Variants in ZNF44 observed in about 807,000 individuals in gnomAD.
ZNF44 encodes zinc finger protein 44.
ZNF44 carries 9 observed loss-of-function variants against 11.7 expected under a neutral mutation model. The ratio of observed to expected loss-of-function variants is 0.77; its 90% confidence interval spans 0.46 to 1.35. The LOEUF (loss-of-function observed/expected upper bound fraction) is 1.35, where lower values mean the gene tolerates loss of function less well. ZNF44 is among the 40% of genes most tolerant of loss of function. The pLI, the probability that ZNF44 is intolerant of heterozygous loss-of-function variation, is 0.00. For missense variants in ZNF44, 696 were observed against 743.1 expected (o/e 0.94, Z 0.74); for synonymous variants, 224 against 242.7 (o/e 0.92, Z 0.72).
downstream of ZNF44, chr19:12,271,710 T>A (rs1363561255): frequency 6.6e-6 from 1 of 152,240 alleles, no homozygotes; most frequent in African/African-American, 2.4e-5. Context: ...ATAGGTGATA[T>A]ATACGATGTA....
intron 7 of ZNF44, among the ~76,000 whole-genome samples, chr19:12,249,476 A>C (rs1047480992): frequency 6.8e-6 from 1 of 147,064 alleles, no homozygotes; most frequent in Non-Finnish European, 1.5e-5. Context: ...ACTGCACTCC[A>C]GCTTGGGCGA....
At chr19:12,242,370 C>T (rs962844539), upstream of ZNF44, among the ~76,000 whole-genome samples, 3 of 151,554 alleles carry the variant, frequency 2.0e-5, no homozygotes, top group African/African-American at 7.3e-5. Context: ...ATTAGCCGGG[C>T]GTGGTGGTGG....
At chr19:12,241,056 A>G (rs1916597537), upstream of ZNF44, among the ~76,000 whole-genome samples, 1 of 152,228 alleles carries the variant, frequency 6.6e-6, no homozygotes, top group Non-Finnish European at 1.5e-5. Flanking sequence ...CTACAACTCA[A>G]CAAAACAAAC....
upstream of ZNF44, among the ~76,000 whole-genome samples, chr19:12,241,204 C>T (rs1448802902): frequency 6.6e-6 from 1 of 152,330 alleles, no homozygotes; most frequent in African/African-American, 2.4e-5. Context: ...AGTGACAGTT[C>T]ACAACTGTTG....
chr19:12,267,182 T>C (rs933614802), downstream of ZNF44, among the ~76,000 whole-genome samples: 3 of 151,784 alleles, frequency 2.0e-5, no homozygotes, highest in African/African-American at 7.3e-5. Flanking sequence ...GTAGCTGAGA[T>C]TACAGGCACC....
intron 3 of ZNF44, among the ~76,000 whole-genome samples, chr19:12,229,648 C>G (rs1256823599): frequency 2.0e-5 from 3 of 150,656 alleles, no homozygotes; most frequent in Non-Finnish European, 4.4e-5. Context: ...TTGTCTTGCT[C>G]TGTCACCCAG....
chr19:12,247,333 C>T (rs972076080), downstream of ZNF44: 7 of 1,287,118 alleles, frequency 5.4e-6, no homozygotes, highest in African/African-American at 1.5e-5. Flanking sequence ...CAAATGAAGG[C>T]GTTGCCACAA....
At chr19:12,226,407 A>AAATC (rs1486064432) in exon 4 of ZNF44, 2 of 152,220 alleles carry the variant, frequency 1.3e-5, no homozygotes, top group Non-Finnish European at 2.9e-5. Context: ...ACTGTACATG[A>AAATC]AATCTGAGGC....
intron 5 of ZNF44, among the ~76,000 whole-genome samples, chr19:12,258,304 C>T (rs887552233): frequency 2.4e-5 from 3 of 122,616 alleles, no homozygotes; most frequent in Non-Finnish European, 4.8e-5. Context: ...TGGATTCCAG[C>T]GTGGGCAACA....
At chr19:12,246,641 T>A (rs1013714994), downstream of ZNF44, among the ~76,000 whole-genome samples, 3 of 152,336 alleles carry the variant, frequency 2.0e-5, no homozygotes, top group Middle Eastern at 6.8e-3. Flanking sequence ...ACTTCTGCAC[T>A]ATTTCTTAAA....
chr19:12,264,605 T>A (rs1194881419), intron 5 of ZNF44, among the ~76,000 whole-genome samples: 1 of 152,234 alleles, frequency 6.6e-6, no homozygotes, highest in East Asian at 1.9e-4. Flanking sequence ...TAATTATAAA[T>A]GATTATTTAA....
At chr19:12,257,447 C>A (rs1023209033) in intron 5 of ZNF44, among the ~76,000 whole-genome samples, 1 of 151,590 alleles carries the variant, frequency 6.6e-6, no homozygotes, top group Non-Finnish European at 1.5e-5. Context: ...GTCAGGAGTT[C>A]GAGACCAGCC....
chr19:12,233,550 C>CCAAAAA (rs777267600), intron 2 of ZNF44, among the ~76,000 whole-genome samples: 1 of 80,868 alleles, frequency 1.2e-5, no homozygotes, highest in African/African-American at 4.1e-5. Flanking sequence ...ACCCATACAT[C>CCAAAAA]AAAAAAAAAA....
intron 6 of ZNF44, chr19:12,250,218 A>G (rs987358806): frequency 7.4e-7 from 1 of 1,347,686 alleles, no homozygotes; most frequent in South Asian, 1.2e-5. Flanking sequence ...ATTCAACAAC[A>G]TGATGGAATG....
At chr19:12,253,514 G>A (rs568609048) in intron 5 of ZNF44, among the ~76,000 whole-genome samples, 14 of 152,076 alleles carry the variant, frequency 9.2e-5, no homozygotes, top group Admixed American at 2.6e-4. Flanking sequence ...CTAAGAAGAC[G>A]TAGAGAATCT....
intron 5 of ZNF44, among the ~76,000 whole-genome samples, chr19:12,261,049 C>T (rs1002808889): frequency 5.3e-5 from 8 of 152,264 alleles, no homozygotes; most frequent in African/African-American, 7.2e-5. Flanking sequence ...CCATGACTGA[C>T]GTCTCTAGGG....
At chr19:12,270,569 A>C (rs368013022), downstream of ZNF44, among the ~76,000 whole-genome samples, 334 of 151,912 alleles carry the variant, frequency 2.2e-3, 2 homozygotes, top group African/African-American at 7.7e-3. Context: ...CTCCTGCCTC[A>C]GCCTTCCAAG....
At chr19:12,284,709 C>T in intron 1 of ZNF44, 1 of 733,612 alleles carries the variant, frequency 1.4e-6, no homozygotes, top group Non-Finnish European at 2.4e-6. Context: ...CTACAATGGC[C>T]ATGTCCGTCT....
intron 5 of ZNF44, chr19:12,266,397 C>A (rs1376802407): frequency 2.1e-6 from 2 of 955,632 alleles, no homozygotes; most frequent in Admixed American, 6.2e-5. Context: ...CGAGAGCGAC[C>A]CGAGGGCGCC....
Sources: allele counts gnomAD v4.1 joint callset (sites outside exome capture counted in the v4.1 genomes callset), GRCh38; gene constraint gnomAD v4.1.1; transcripts MANE v1.5; gene names NCBI Gene and HGNC (gene_info 2026-07-23, HGNC 2026-07-21).